Variants in PIEZO2 observed in about 807,000 individuals in gnomAD.
The protein encoded by PIEZO2 is piezo-type mechanosensitive ion channel component 2.
A neutral mutation model predicts 337.3 loss-of-function variants in PIEZO2; 172 were observed. That is an observed-to-expected ratio of 0.51 (90% CI 0.45 to 0.58). The LOEUF is 0.58. Ranked by LOEUF, PIEZO2 falls within the 20% of genes least tolerant of loss-of-function variation. The pLI, the probability that PIEZO2 is intolerant of heterozygous loss-of-function variation, is 0.00. For missense variants in PIEZO2, 3,028 were observed against 3,391.3 expected (o/e 0.89, Z 2.66); for synonymous variants, 1,251 against 1,228.5 (o/e 1.02, Z -0.38).
rs558941335 is a variant in PIEZO2, at chr18:10,861,134, G to T, written c.493-3923C>A. On this transcript the variant is annotated intron_variant, in intron 5 of 55. Coordinates refer to ENST00000674853, the MANE Select transcript of PIEZO2 (RefSeq NM_001378183.1). This position sits in a 1 kb window ranked among gnomAD's most constrained non-coding sequence, Gnocchi z 4.3. ...AACACTGAACCTCTGAAAGAGCATGGACTCACTCTCGCATGTTTACTAACA... is the reference window on the plus strand; with the variant it reads ...AACACTGAACCTCTGAAAGAGCATGTACTCACTCTCGCATGTTTACTAACA... Among the ~76,000 whole-genome samples the T allele has an allele frequency of 6.6e-6, 1 of 152,178 alleles. No individual in the cohort carries two copies. Among genetic ancestry groups the T allele is most frequent in the South Asian group, 2.1e-4 (1 of 4,824 alleles).
At chr18:10,685,411 G>A (rs12454425) in intron 49 of PIEZO2, among the ~76,000 whole-genome samples, 44,808 of 152,116 alleles carry the variant, frequency 0.29, 7,298 homozygotes, top group Non-Finnish European at 0.38. Context: ...TAGGATGGAA[G>A]TATATACTTA....
chr18:10,977,510 A>C (rs1410187703), intron 3 of PIEZO2, among the ~76,000 whole-genome samples: 1 of 152,146 alleles, frequency 6.6e-6, no homozygotes, highest in African/African-American at 2.4e-5. Context: ...TAAGCACTGT[A>C]TCATATAAGA....
intron 2 of PIEZO2, among the ~76,000 whole-genome samples, chr18:11,007,673 A>G (rs553129545): frequency 9.5e-4 from 145 of 152,318 alleles, no homozygotes; most frequent in Non-Finnish European, 1.8e-3. Flanking sequence ...TGATGACTAA[A>G]ATCATCGAAA....
At position 10,846,907 on chromosome 18, in the gene PIEZO2, G is replaced by A. The variant is rs968976585; in HGVS notation, c.917+8446C>T. Among the ~76,000 whole-genome samples the A allele has an allele frequency of 1.3e-5, 2 of 152,124 alleles. No homozygotes were observed. The highest frequency in any genetic ancestry group is 2.4e-5 in the African/African-American group (1 of 41,418). On this transcript the variant is annotated intron_variant, in intron 7 of 55. Transcript: ENST00000674853. The surrounding 1 kb of genome is among the most constrained non-coding windows in gnomAD (Gnocchi z 4.1). Reference sequence around the variant, plus strand: ...CTAGAACTGTTGGAAATGGGGAAGTGAGTTTGAATAATAAAAATATTTGAT... The same window carrying A: ...CTAGAACTGTTGGAAATGGGGAAGTAAGTTTGAATAATAAAAATATTTGAT...
intron 1 of PIEZO2, among the ~76,000 whole-genome samples, chr18:11,075,317 A>G (rs1291640555): frequency 2.0e-5 from 3 of 152,272 alleles, no homozygotes; most frequent in Non-Finnish European, 2.9e-5. Flanking sequence ...TGTTTACAAT[A>G]GAGCAGGAAA....
rs149700719 is a variant in PIEZO2 at position 10,942,147 on chromosome 18, T to A, written c.287-30919A>T. Among the ~76,000 whole-genome samples, 1 of 152,318 alleles carries A rather than the reference T, an allele frequency of 6.6e-6. No individual in the cohort carries two copies. The highest frequency in any genetic ancestry group is 1.9e-4 in the East Asian group (1 of 5,184). On this transcript the variant is annotated intron_variant, in intron 3 of 55. Transcript: ENST00000674853. The surrounding 1 kb of genome is among the most constrained non-coding windows in gnomAD (Gnocchi z 4.4). ...TTTGTAAAATGCCTAGTCTCTGGAA[T>A]GTCTTTCTCAGCAGCATGAAAATGA... is the stretch of plus-strand genomic sequence containing the variant.
At chr18:10,922,111 G>C (rs1352826857) in intron 3 of PIEZO2, among the ~76,000 whole-genome samples, 1 of 152,024 alleles carries the variant, frequency 6.6e-6, no homozygotes, top group Non-Finnish European at 1.5e-5. Context: ...TGTGAAGTAC[G>C]TGATGTCTGT....
At position 10,695,034 on chromosome 18, in the gene PIEZO2, A is replaced by G. The variant is rs144510672; in HGVS notation, c.7190+1040T>C. On this transcript the variant is annotated intron_variant, in intron 47 of 55. Coordinates refer to ENST00000674853, the MANE Select transcript of PIEZO2 (RefSeq NM_001378183.1). ...TCAGATATGCTTATTAAAAATTCCT[A>G]TTCCTACTACATCATATGGACAAGG... Among the ~76,000 whole-genome samples, 24 of 152,304 alleles carry G rather than the reference A, an allele frequency of 1.6e-4. No individual in the cohort carries two copies. The East Asian group carries it at 4.4e-3, about 28-fold the overall frequency.
chr18:10,778,787 T>G (rs8097202), intron 18 of PIEZO2, among the ~76,000 whole-genome samples: 117,408 of 152,218 alleles, frequency 0.77, 45,542 homozygotes, highest in East Asian at 0.93. Flanking sequence ...GCCTTGTGGC[T>G]TGGGATAAGG....
In PIEZO2 at chr18:11,002,339, C is replaced by T. The variant is rs114434041; in HGVS notation, c.161-22679G>A. On this transcript the variant is annotated intron_variant, in intron 2 of 55. Coordinates refer to ENST00000674853, the MANE Select transcript of PIEZO2 (RefSeq NM_001378183.1). This position sits in a 1 kb window ranked among gnomAD's most constrained non-coding sequence, Gnocchi z 4.3. ...TGCTCTAGCTGGAGAAAGCATACTT[C>T]AGAGTAAAATTTTCATCAGTAAAAA... 0.016 allele frequency among the ~76,000 whole-genome samples: 2,489 copies of T among 152,234 alleles called. 68 individuals carry two copies. Among genetic ancestry groups the T allele is most frequent in the African/African-American group, 0.055 (2,270 of 41,532 alleles).
intron 7 of PIEZO2, among the ~76,000 whole-genome samples, chr18:10,844,272 T>C (rs2144624359): frequency 6.6e-6 from 1 of 151,416 alleles, no homozygotes; most frequent in South Asian, 2.1e-4. Context: ...ATGCGAAAAT[T>C]AGCCGGGTGT....
At chr18:10,939,850 G>A (rs975182754) in intron 3 of PIEZO2, among the ~76,000 whole-genome samples, 3 of 151,970 alleles carry the variant, frequency 2.0e-5, no homozygotes, top group Non-Finnish European at 2.9e-5. Context: ...TGAGTTGATA[G>A]GCGCAGCAAA....
At chr18:10,826,102 A>G (rs1389010823) in intron 7 of PIEZO2, among the ~76,000 whole-genome samples, 2 of 152,096 alleles carry the variant, frequency 1.3e-5, no homozygotes, top group Non-Finnish European at 2.9e-5. Flanking sequence ...CACTACCCTG[A>G]CCTAACTCTA....
intron 2 of PIEZO2, among the ~76,000 whole-genome samples, chr18:11,022,878 T>C (rs1295963361): frequency 6.6e-6 from 1 of 152,126 alleles, no homozygotes; most frequent in Non-Finnish European, 1.5e-5. Context: ...CGGAGTTTGT[T>C]CCTTCTGATG....
intron 18 of PIEZO2, among the ~76,000 whole-genome samples, chr18:10,779,983 T>C (rs1018458838): frequency 6.6e-6 from 1 of 152,160 alleles, no homozygotes; most frequent in Non-Finnish European, 1.5e-5. Flanking sequence ...GAGGAGGTGG[T>C]TCTTGAGCTG....
rs1021767711 is a variant in PIEZO2, at chr18:10,824,590, A to T, written c.918-17316T>A. Among the ~76,000 whole-genome samples, 2 of 152,104 alleles carry T rather than the reference A, an allele frequency of 1.3e-5. No homozygotes were observed. The highest frequency in any genetic ancestry group is 2.4e-5 in the African/African-American group (1 of 41,386). ...ATACTATGCATCCATTTAAAATAAT[A>T]AAAAAATCCATCTATCTATATATCC... On this transcript the variant is annotated intron_variant, in intron 7 of 55. Coordinates refer to ENST00000674853, the MANE Select transcript of PIEZO2 (RefSeq NM_001378183.1). This position sits in a 1 kb window ranked among gnomAD's most constrained non-coding sequence, Gnocchi z 4.4.
chr18:10,950,547 T>C (rs1206070959), intron 3 of PIEZO2, among the ~76,000 whole-genome samples: 1 of 152,226 alleles, frequency 6.6e-6, no homozygotes, highest in East Asian at 1.9e-4. Flanking sequence ...TTCTTCCAAC[T>C]AGGGAACGAG....
At chr18:10,868,478 G>A (rs2042060437) in intron 5 of PIEZO2, among the ~76,000 whole-genome samples, 1 of 152,102 alleles carries the variant, frequency 6.6e-6, no homozygotes, top group Non-Finnish European at 1.5e-5. Flanking sequence ...TTCCTCCTGG[G>A]CTACCTGATG....
intron 2 of PIEZO2, among the ~76,000 whole-genome samples, chr18:11,017,332 A>C (rs2036150802): frequency 6.6e-6 from 1 of 152,228 alleles, no homozygotes; most frequent in South Asian, 2.1e-4. Context: ...TTCAAGACGT[A>C]ACCTCTAATG....
Sources: gnomAD v4.1 joint callset for allele counts (sites outside exome capture counted in the v4.1 genomes callset) on GRCh38, gnomAD v4.1.1 for gene constraint, Gnocchi (gnomAD v3.1) non-coding constraint, MANE v1.5 for transcripts, NCBI Gene and HGNC (gene_info 2026-07-23, HGNC 2026-07-21) for gene names.